Variants in FAM168B observed in about 807,000 individuals in gnomAD.
FAM168B encodes myelin-associated neurite-outgrowth inhibitor.
In FAM168B, 19 loss-of-function variants were observed where a neutral mutation model predicts 21.8. The ratio of observed to expected loss-of-function variants is 0.87; its 90% confidence interval spans 0.61 to 1.28. The LOEUF is 1.28. FAM168B is among the 50% of genes most tolerant of loss of function. FAM168B has a pLI of 0.00. For missense variants in FAM168B, 233 were observed against 263.1 expected (o/e 0.89, Z 0.79); for synonymous variants, 126 against 104.8 (o/e 1.20, Z -1.24).
At chr2:131,058,821 CTCA>C (rs1254159019) in intron 3 of FAM168B, among the ~76,000 whole-genome samples, 2 of 152,192 alleles carry the variant, frequency 1.3e-5, no homozygotes, top group South Asian at 2.1e-4. Flanking sequence ...CAGGTTAAAA[CTCA>C]TCAAACTGAA....
intron 5 of FAM168B, 133 bp from the exon 6 acceptor site, chr2:131,053,148 T>C: frequency 1.6e-6 from 2 of 1,285,678 alleles, no homozygotes; most frequent in Non-Finnish European, 2.0e-6. Context: ...ACCCAGATAC[T>C]GTCAGAACTC....
chr2:131,089,972 C>T (rs1436147526), intron 1 of FAM168B, among the ~76,000 whole-genome samples: 3 of 151,536 alleles, frequency 2.0e-5, no homozygotes, highest in Admixed American at 2.0e-4. Flanking sequence ...GCAGAGGTTT[C>T]AGTGAGCCGA....
chr2:131,064,533 G>A (rs1477733435), intron 3 of FAM168B, among the ~76,000 whole-genome samples: 2 of 152,236 alleles, frequency 1.3e-5, no homozygotes, highest in Middle Eastern at 3.4e-3. Context: ...ATATTCTGGG[G>A]GGAAATAACT....
Position 131,052,899 on chromosome 2 carries a change from G to A in FAM168B, c.*4C>T, listed in dbSNP as rs769833047. 1.9e-6 allele frequency: 3 copies of A among 1,553,380 alleles called. No individual in the cohort carries two copies. Among genetic ancestry groups the A allele is most frequent in the Non-Finnish European group, 2.6e-6 (3 of 1,147,722 alleles). On this transcript the variant is annotated 3_prime_UTR_variant, in exon 6 of 7. Transcript: ENST00000389915. ...CTTCCCTGGTCACTTACATTTGCAGGTGATCACCACTGAGGGGGCACATAG... is the reference window on the plus strand; with the variant it reads ...CTTCCCTGGTCACTTACATTTGCAGATGATCACCACTGAGGGGGCACATAG...
chr2:131,062,878 A>T (rs553243141), intron 3 of FAM168B, among the ~76,000 whole-genome samples: 1 of 152,370 alleles, frequency 6.6e-6, no homozygotes, highest in East Asian at 1.9e-4. Context: ...TGCATTTCAC[A>T]CATGCACATT....
At chr2:131,063,806 A>C (rs963294094) in intron 3 of FAM168B, among the ~76,000 whole-genome samples, 3 of 152,166 alleles carry the variant, frequency 2.0e-5, no homozygotes, top group Non-Finnish European at 2.9e-5. Context: ...AATTTTAAAA[A>C]TTTAAAACAC....
chr2:131,053,087 A>C, intron 5 of FAM168B, 72 bp from the exon 6 acceptor site: 1 of 1,461,348 alleles, frequency 6.8e-7, no homozygotes. Flanking sequence ...TACGCACACA[A>C]GCCTGGCCTC....
intron 5 of FAM168B, 63 bp from the exon 6 acceptor site, chr2:131,053,078 ACGCACACAAGCCTGG>A: frequency 6.7e-7 from 1 of 1,486,548 alleles, no homozygotes; most frequent in Non-Finnish European, 9.0e-7. Context: ...ACTGCCTGAT[ACGCACACAAGCCTGG>A]CCTCTTTGCA....
At chr2:131,063,597 T>C (rs1558957034) in intron 3 of FAM168B, among the ~76,000 whole-genome samples, 1 of 152,182 alleles carries the variant, frequency 6.6e-6, no homozygotes, top group African/African-American at 2.4e-5. Flanking sequence ...CTGAGCAGCA[T>C]AGCGAGACCT....
chr2:131,050,511 C>T lies in FAM168B; in HGVS notation c.*1954G>A. On this transcript the variant is annotated 3_prime_UTR_variant, in exon 7 of 7. Coordinates refer to ENST00000389915, the MANE Select transcript of FAM168B (RefSeq NM_001009993.4). ...AAATGTCTGCCCCCACACATAGACA[C>T]TAAGATGGATTAAGTGCTCATGAAG... 17 of 985,774 alleles carry T rather than the reference C, an allele frequency of 1.7e-5. No homozygotes were observed. Among genetic ancestry groups the T allele is most frequent in the Non-Finnish European group, 2.0e-5 (17 of 829,942 alleles). The allele number at this position is 985,774 out of a possible 1,614,324, so 61.1% of individuals were successfully genotyped here. A position where few individuals can be genotyped will look rare whatever the true frequency, so the allele number is the denominator to read the frequency against.
chr2:131,069,907 G>A (rs1558968868), intron 3 of FAM168B, among the ~76,000 whole-genome samples: 1 of 151,780 alleles, frequency 6.6e-6, no homozygotes, highest in Non-Finnish European at 1.5e-5. Context: ...CGCCCAGGCT[G>A]GAATGCTATG....
chr2:131,064,069 G>A (rs533165620), intron 3 of FAM168B, among the ~76,000 whole-genome samples: 1 of 152,244 alleles, frequency 6.6e-6, no homozygotes, highest in South Asian at 2.1e-4. Context: ...AAGCCCATCT[G>A]TACTGATGCA....
In FAM168B at chr2:131,048,228, T is replaced by C; in HGVS notation, c.*4237A>G. On this transcript the variant is annotated 3_prime_UTR_variant, in exon 7 of 7. Transcript: ENST00000389915. ...TCTTTAGTTACAATCCATGAGGCTC[T>C]CTAGGGCCTCTCCGTGTGGCCAGCA... 1 of 1,303,348 alleles carries C rather than the reference T, an allele frequency of 7.7e-7. No homozygotes were observed. Among genetic ancestry groups the C allele is most frequent in the Non-Finnish European group, 1.0e-6 (1 of 988,276 alleles). The allele number at this position is 1,303,348 out of a possible 1,614,324, so 80.7% of individuals were successfully genotyped here. A position where few individuals can be genotyped will look rare whatever the true frequency, so the allele number is the denominator to read the frequency against.
At chr2:131,091,422 G>A (rs1420431058) in intron 1 of FAM168B, among the ~76,000 whole-genome samples, 1 of 152,022 alleles carries the variant, frequency 6.6e-6, no homozygotes, top group East Asian at 1.9e-4. Context: ...GACGTAGGTG[G>A]ACCACCTGAG....
Position 131,049,576 on chromosome 2 carries a change from T to G in FAM168B, c.*2889A>C. The G allele has an allele frequency of 1.0e-6, 1 of 985,240 alleles. No homozygotes were observed. Among genetic ancestry groups the G allele is most frequent in the Non-Finnish European group, 1.2e-6 (1 of 829,896 alleles). The allele number at this position is 985,240 out of a possible 1,614,324, so 61.0% of individuals were successfully genotyped here. On this transcript the variant is annotated 3_prime_UTR_variant, in exon 7 of 7. Coordinates refer to ENST00000389915, the MANE Select transcript of FAM168B (RefSeq NM_001009993.4). The stretch of plus-strand genomic sequence containing the variant: ...CGCCAGCACAGATCCAAACAAGACC[T>G]CCATGAGCAGAGAAACTGCAGCGGC...
intron 2 of FAM168B, among the ~76,000 whole-genome samples, chr2:131,074,505 G>C (rs1693036995): frequency 1.3e-5 from 2 of 152,166 alleles, no homozygotes; most frequent in Non-Finnish European, 2.9e-5. Context: ...GTTCCCACTA[G>C]CTGTGAGAAG....
chr2:131,067,423 GT>G (rs1200857785), intron 3 of FAM168B, among the ~76,000 whole-genome samples: 2 of 152,172 alleles, frequency 1.3e-5, no homozygotes, highest in African/African-American at 4.8e-5. Context: ...TCAGCATTGG[GT>G]GCAAACTGAA....
rs551613173 is a variant in FAM168B, at chr2:131,052,154, G to A, written c.*311C>T. The A allele has an allele frequency of 1.0e-6, 1 of 985,754 alleles. No individual in the cohort carries two copies. The highest frequency in any genetic ancestry group is 1.1e-4 in the East Asian group (1 of 8,820). 61.1% of individuals were successfully genotyped at this position (985,754 alleles called of 1,614,324 possible). On this transcript the variant is annotated 3_prime_UTR_variant, in exon 7 of 7. Coordinates refer to ENST00000389915, the MANE Select transcript of FAM168B (RefSeq NM_001009993.4). ...TGCAGGTAGATTGAGCAAGCTTTTTGTGTTTGTTTTTTTAAACATGCATTC... is the reference window on the plus strand; with the variant it reads ...TGCAGGTAGATTGAGCAAGCTTTTTATGTTTGTTTTTTTAAACATGCATTC...
At chr2:131,077,754 T>C (rs1693231595) in intron 2 of FAM168B, among the ~76,000 whole-genome samples, 1 of 152,194 alleles carries the variant, frequency 6.6e-6, no homozygotes, top group South Asian at 2.1e-4. Context: ...GGACCTCAGA[T>C]GAGCTTCAAA....
Sources: gnomAD v4.1 joint callset for allele counts (sites outside exome capture counted in the v4.1 genomes callset) on GRCh38, gnomAD v4.1.1 for gene constraint, MANE v1.5 for transcripts, NCBI Gene and HGNC (gene_info 2026-07-23, HGNC 2026-07-21) for gene names.